PPM1L: variants seen among roughly 807,000 people sequenced by gnomAD.
PPM1L encodes the protein protein phosphatase 1L.
Under a neutral mutation model 31.4 loss-of-function variants are expected in PPM1L, and 13 were observed. The ratio of observed to expected loss-of-function variants is 0.41; its 90% confidence interval spans 0.27 to 0.66. The LOEUF (loss-of-function observed/expected upper bound fraction) is 0.66, where lower values mean the gene tolerates loss of function less well. Among genes scored for constraint, PPM1L ranks in the 30% least tolerant of loss-of-function variants. PPM1L has a pLI of 0.29. For missense variants in PPM1L, 326 were observed against 453.7 expected (o/e 0.72, Z 2.56); for synonymous variants, 184 against 175.4 (o/e 1.05, Z -0.39).
At chr3:160,776,764 C>T (rs1711569153) in intron 1 of PPM1L, among the ~76,000 whole-genome samples, 1 of 151,862 alleles carries the variant, frequency 6.6e-6, no homozygotes, top group African/African-American at 2.4e-5. Context: ...CCACACCTGA[C>T]TAATTTTTGT....
intron 2 of PPM1L, among the ~76,000 whole-genome samples, chr3:161,058,146 G>A (rs1399557817): frequency 9.7e-5 from 1 of 10,310 alleles, no homozygotes; most frequent in Non-Finnish European, 3.4e-4. Flanking sequence ...TTTTTTTGAC[G>A]CAGAGTCTCA....
intron 1 of PPM1L, among the ~76,000 whole-genome samples, chr3:160,763,289 C>T (rs1425453879): frequency 6.6e-6 from 1 of 152,078 alleles, no homozygotes; most frequent in Non-Finnish European, 1.5e-5. Flanking sequence ...ACTCATGTGG[C>T]AGAGAAGATT....
At chr3:161,004,135 A>G (rs1186132001) in intron 2 of PPM1L, among the ~76,000 whole-genome samples, 1 of 144,638 alleles carries the variant, frequency 6.9e-6, no homozygotes, top group Middle Eastern at 3.4e-3. Flanking sequence ...TATATGCTGG[A>G]TTACATTTAT....
At chr3:161,007,799 T>C (rs4608736) in intron 2 of PPM1L, among the ~76,000 whole-genome samples, 22,041 of 151,974 alleles carry the variant, frequency 0.15, 1,811 homozygotes, top group East Asian at 0.28. Context: ...ATGAGAGCCA[T>C]TGGGGATGCT....
At chr3:160,771,543 CTTTTTTTTTTT>C (rs745978148) in intron 1 of PPM1L, among the ~76,000 whole-genome samples, 2 of 77,386 alleles carry the variant, frequency 2.6e-5, no homozygotes, top group South Asian at 6.0e-4. Flanking sequence ...AAGGCTGGCT[CTTTTTTTTTTT>C]TTTTTTTTTT....
At chr3:160,851,456 C>T (rs568771492) in intron 1 of PPM1L, among the ~76,000 whole-genome samples, 6 of 152,204 alleles carry the variant, frequency 3.9e-5, no homozygotes, top group South Asian at 2.1e-4. Flanking sequence ...CAGTGGATTC[C>T]GTGGCTGCTT....
In PPM1L at chr3:160,886,635, A is replaced by G. The variant is rs542583331; in HGVS notation, c.400-75101A>G. ...ACAGAAGAGGGACCTGACCATTGAA[A>G]GAAAGACAACAGAAAGCCACAACAT... On this transcript the variant is annotated intron_variant, in intron 1 of 3. Transcript: ENST00000498165. Among the ~76,000 whole-genome samples, 15 of 152,340 alleles carry G rather than the reference A, an allele frequency of 9.8e-5. 1 individual carries two copies. In the South Asian group the frequency reaches 2.9e-3, roughly 29 times the overall value.
chr3:160,817,802 A>G (rs1713041736), intron 1 of PPM1L, among the ~76,000 whole-genome samples: 1 of 151,968 alleles, frequency 6.6e-6, no homozygotes, highest in Non-Finnish European at 1.5e-5. Flanking sequence ...GATTGAAGGG[A>G]TGGTTTGAAG....
intron 1 of PPM1L, among the ~76,000 whole-genome samples, chr3:160,887,120 G>T (rs989783906): frequency 2.6e-5 from 4 of 151,996 alleles, no homozygotes; most frequent in South Asian, 2.1e-4. Flanking sequence ...AGAGTTTTAA[G>T]ACCATCTTGC....
rs552306075 is a variant in PPM1L, at chr3:160,903,769, T to C, written c.400-57967T>C. On this transcript the variant is annotated intron_variant, in intron 1 of 3. Transcript: ENST00000498165. The stretch of plus-strand genomic sequence containing the variant: ...GAGAGGGATAAAGGTGGATAAGTTA[T>C]ACCACTTGTTCTCTAGGCGTCTATA... Among the ~76,000 whole-genome samples the C allele has an allele frequency of 2.6e-5, 4 of 152,278 alleles. No homozygotes were observed. In the East Asian group the frequency reaches 5.8e-4, roughly 22 times the overall value.
At chr3:160,952,917 A>G (rs1442294472) in intron 1 of PPM1L, among the ~76,000 whole-genome samples, 1 of 152,130 alleles carries the variant, frequency 6.6e-6, no homozygotes, top group Non-Finnish European at 1.5e-5. Context: ...CTCTTTTCAG[A>G]TTATAATTGT....
At chr3:161,034,455 A>G (rs1046306248) in intron 2 of PPM1L, among the ~76,000 whole-genome samples, 2 of 152,216 alleles carry the variant, frequency 1.3e-5, no homozygotes, top group East Asian at 1.9e-4. Flanking sequence ...ATGGCCATCA[A>G]TGATAGACTG....
intron 1 of PPM1L, among the ~76,000 whole-genome samples, chr3:160,934,483 A>G (rs10936215): frequency 0.35 from 53,053 of 151,992 alleles, 9,363 homozygotes; most frequent in East Asian, 0.46. Context: ...AATCCTTAAA[A>G]ATACAGAAAA....
intron 2 of PPM1L, among the ~76,000 whole-genome samples, chr3:161,015,235 G>A (rs1718047375): frequency 1.3e-5 from 2 of 152,128 alleles, no homozygotes; most frequent in African/African-American, 4.8e-5. Context: ...CAGCTGGAAA[G>A]CTTAGTAGTT....
At chr3:160,781,128 A>G (rs1711737453) in intron 1 of PPM1L, among the ~76,000 whole-genome samples, 1 of 152,182 alleles carries the variant, frequency 6.6e-6, no homozygotes, top group Non-Finnish European at 1.5e-5. Flanking sequence ...CCAACAGAAC[A>G]TTACCAGTAG....
chr3:160,846,869 AT>A (rs950628265), intron 1 of PPM1L, among the ~76,000 whole-genome samples: 4 of 151,944 alleles, frequency 2.6e-5, no homozygotes, highest in Non-Finnish European at 5.9e-5. Context: ...TTATTTATTT[AT>A]TTTTTACTAG....
chr3:160,970,133 A>G (rs1473280956), intron 2 of PPM1L, among the ~76,000 whole-genome samples: 2 of 152,176 alleles, frequency 1.3e-5, no homozygotes, highest in Non-Finnish European at 2.9e-5. Flanking sequence ...TATTCTCACA[A>G]CCTTTTAATA....
intron 1 of PPM1L, among the ~76,000 whole-genome samples, chr3:160,892,382 A>G (rs1713183553): frequency 6.6e-6 from 1 of 152,102 alleles, no homozygotes; most frequent in Non-Finnish European, 1.5e-5. Flanking sequence ...GGTCTCACTC[A>G]CTATGGCAAG....
intron 1 of PPM1L, among the ~76,000 whole-genome samples, chr3:160,784,815 T>C (rs938014522): frequency 6.6e-6 from 1 of 152,214 alleles, no homozygotes; most frequent in Non-Finnish European, 1.5e-5. Flanking sequence ...GAAAGGAAAG[T>C]ACTTTTATTT....
Sources: gnomAD v4.1 joint callset for allele counts (sites outside exome capture counted in the v4.1 genomes callset) on GRCh38, gnomAD v4.1.1 for gene constraint, MANE v1.5 for transcripts, NCBI Gene and HGNC (gene_info 2026-07-23, HGNC 2026-07-21) for gene names.